The following KIT variants were observed in gnomAD, a reference collection of about 807,000 sequenced individuals.
KIT encodes mast/stem cell growth factor receptor Kit.
KIT carries 16 observed loss-of-function variants against 105.7 expected under a neutral mutation model. That is an observed-to-expected ratio of 0.15 (90% CI 0.10 to 0.23). The LOEUF (loss-of-function observed/expected upper bound fraction) is 0.23, where lower values mean the gene tolerates loss of function less well. Ranked by LOEUF, KIT falls within the 10% of genes least tolerant of loss-of-function variation. The pLI, the probability that KIT is intolerant of heterozygous loss-of-function variation, is 1.00. For synonymous variants in KIT, 438 were observed against 441.1 expected, an observed-to-expected ratio of 0.99 and a Z score of 0.09; for missense variants, 858 against 1,213.8, an observed-to-expected ratio of 0.71 and a Z score of 4.36.
chr4:54,703,598 G>A (rs1720590466), intron 4 of KIT, 126 bp from the exon 5 acceptor site: 1 of 732,562 alleles, frequency 1.4e-6, no homozygotes, highest in African/African-American at 1.8e-5. Context: ...TCTTACTTAA[G>A]TAGTGTATAA....
chr4:54,658,953 A>T (rs1717028674), intron 1 of KIT, among the ~76,000 whole-genome samples: 1 of 152,096 alleles, frequency 6.6e-6, no homozygotes, highest in Non-Finnish European at 1.5e-5. Context: ...AAGGCAAGGG[A>T]CAGCGTGCTG....
chr4:54,680,257 A>AT (rs1247206043), intron 1 of KIT, among the ~76,000 whole-genome samples: 1 of 152,098 alleles, frequency 6.6e-6, no homozygotes, highest in East Asian at 1.9e-4. Context: ...GCATATGTGT[A>AT]TGTATAAATG....
chr4:54,732,045 A>ATTTTTTTTTTTTTTTTTTT (rs71662297), intron 16 of KIT, 47 bp downstream of exon 16: 10 of 888,852 alleles, frequency 1.1e-5, no homozygotes, highest in African/African-American at 2.2e-5. Context: ...TGTTTTTTTG[A>ATTTTTTTTTTTTTTTTTTT]TTTTTTTTTT....
chr4:54,684,684 G>A (rs1719190038), intron 1 of KIT, among the ~76,000 whole-genome samples: 1 of 152,132 alleles, frequency 6.6e-6, no homozygotes, highest in South Asian at 2.1e-4. Context: ...CCCCACAGTT[G>A]CTGCTCCCCC....
At position 54,698,384 on chromosome 4, in the gene KIT, T is replaced by C. The variant is rs777463519; in HGVS notation, c.438T>C (p.Tyr146=). Residue 146 remains tyrosine (Y), a synonymous_variant, in exon 3 of 21, where the codon TAT becomes TAC. Transcript: ENST00000288135. ...CPLTDPEVTN[Y]SLKGCQGKPL... is the part of the protein sequence containing the mutation. ...TCACAGACCCAGAAGTGACCAATTA[T>C]TCCCTCAAGGGGTGCCAGGGGAAGC... 6.2e-7 allele frequency: 1 copy of C among 1,614,156 alleles called. No individual in the cohort carries two copies. The highest frequency in any genetic ancestry group is 1.1e-5 in the South Asian group (1 of 91,082).
At chr4:54,658,644 C>T (rs1716998935) in intron 1 of KIT, among the ~76,000 whole-genome samples, 1 of 151,906 alleles carries the variant, frequency 6.6e-6, no homozygotes, top group African/African-American at 2.4e-5. Flanking sequence ...GACCCGCTGC[C>T]GCCTCTGCTC....
chr4:54,706,488 T>C (rs940190825), intron 5 of KIT, among the ~76,000 whole-genome samples: 2 of 152,094 alleles, frequency 1.3e-5, no homozygotes, highest in Non-Finnish European at 2.9e-5. Flanking sequence ...TGGATTTAAA[T>C]TTGTCTTCTA....
chr4:54,665,888 G>A lies in KIT; in HGVS notation c.67+7807G>A, dbSNP rs139729282. Among the ~76,000 whole-genome samples, 484 of 152,230 alleles carry A rather than the reference G, an allele frequency of 3.2e-3. 3 individuals are homozygous for A. Among genetic ancestry groups the A allele is most frequent in the African/African-American group, 0.011 (469 of 41,538 alleles). On this transcript the variant is annotated intron_variant, in intron 1 of 20. Coordinates refer to ENST00000288135, the MANE Select transcript of KIT (RefSeq NM_000222.3). ...CTCTATAATATTACGGTAGCATTGG[G>A]GATTATAAAGAATGGTATGTTAACT...
chr4:54,715,575 T>G (rs1473603666), intron 7 of KIT, among the ~76,000 whole-genome samples: 1 of 151,978 alleles, frequency 6.6e-6, no homozygotes, highest in African/African-American at 2.4e-5. Context: ...GCCAGGTTGT[T>G]TTTAAAAATC....
At chr4:54,678,454 C>A (rs1718675809) in intron 1 of KIT, among the ~76,000 whole-genome samples, 1 of 149,774 alleles carries the variant, frequency 6.7e-6, no homozygotes, top group African/African-American at 2.5e-5. Flanking sequence ...CTGTCAAGTG[C>A]AGTAATTATA....
rs2109768926 is a variant in KIT, at chr4:54,725,944, A to T, written c.1434A>T (p.Ile478=). 6.2e-7 allele frequency: 1 copy of T among 1,614,140 alleles called. No homozygotes were observed. The highest frequency in any genetic ancestry group is 8.5e-7 in the Non-Finnish European group (1 of 1,179,984). The change falls in exon 9 of 21, where the codon ATA becomes ATT. Residue 478 remains isoleucine, a synonymous_variant. Coordinates refer to ENST00000288135, the MANE Select transcript of KIT (RefSeq NM_000222.3). The stretch of plus-strand genomic sequence containing the variant: ...GAAAGCTAGTGGTTCAGAGTTCTAT[A>T]GATTCTAGTGCATTCAAGCACAATG... ...PFGKLVVQSS[I]DSSAFKHNGT...
intron 1 of KIT, among the ~76,000 whole-genome samples, chr4:54,679,880 A>G (rs892637373): frequency 1.3e-5 from 2 of 152,236 alleles, no homozygotes; most frequent in African/African-American, 4.8e-5. Flanking sequence ...TGAACCTTGC[A>G]GACCTTATAT....
Position 54,738,685 on chromosome 4 carries a change from TTCTG to T in KIT, c.*129_*132del, listed in dbSNP as rs1723072617. Reference sequence around the variant, plus strand: ...TGGGCACCCCACTGCAATCCTGTCTTTCTGAGCACACTTTAGTGGCCGATGATTT... The same window carrying T: ...TGGGCACCCCACTGCAATCCTGTCTTAGCACACTTTAGTGGCCGATGATTT... On this transcript the variant is annotated 3_prime_UTR_variant, in exon 21 of 21. Transcript: ENST00000288135. The T allele has an allele frequency of 8.5e-7, 1 of 1,170,412 alleles. No individual in the cohort carries two copies. The highest frequency in any genetic ancestry group is 1.2e-5 in the South Asian group (1 of 82,220). The allele number at this position is 1,170,412 out of a possible 1,614,324, so 72.5% of individuals were successfully genotyped here.
chr4:54,703,612 A>C (rs1409913306), intron 4 of KIT, 112 bp from the exon 5 acceptor site: 2 of 833,830 alleles, frequency 2.4e-6, no homozygotes, highest in Non-Finnish European at 4.0e-6. Context: ...TGTATAATGA[A>C]AGTTAATATG....
intron 7 of KIT, among the ~76,000 whole-genome samples, chr4:54,713,734 T>C (rs559946055): frequency 1.3e-5 from 2 of 152,222 alleles, no homozygotes; most frequent in Admixed American, 6.5e-5. Flanking sequence ...AATTTCAGTA[T>C]AGTGAATGTG....
chr4:54,659,264 G>T (rs1717061388), intron 1 of KIT, among the ~76,000 whole-genome samples: 1 of 152,170 alleles, frequency 6.6e-6, no homozygotes, highest in African/African-American at 2.4e-5. Context: ...TTAGGTGAAG[G>T]ATTTGCAGGT....
chr4:54,738,283 T>C (rs1209944216), intron 20 of KIT, 146 bp from the exon 21 acceptor site: 3 of 906,876 alleles, frequency 3.3e-6, no homozygotes, highest in Non-Finnish European at 5.5e-6. Flanking sequence ...CAGTATGACT[T>C]GGGTTTTGGC....
At chr4:54,701,865 A>G (rs1183578098) in intron 4 of KIT, among the ~76,000 whole-genome samples, 1 of 152,218 alleles carries the variant, frequency 6.6e-6, no homozygotes, top group Non-Finnish European at 1.5e-5. Flanking sequence ...CTTCTTGACA[A>G]TTGATCTTAT....
intron 7 of KIT, among the ~76,000 whole-genome samples, chr4:54,719,159 A>G (rs1043192410): frequency 2.0e-5 from 3 of 152,180 alleles, no homozygotes; most frequent in Non-Finnish European, 4.4e-5. Context: ...CCTGCTGATT[A>G]TAAAATATGG....
Sources: gnomAD v4.1 joint callset for allele counts (sites outside exome capture counted in the v4.1 genomes callset) on GRCh38, gnomAD v4.1.1 for gene constraint, MANE v1.5 for transcripts, NCBI Gene and HGNC (gene_info 2026-07-23, HGNC 2026-07-21) for gene names.